Variants in EXTL3 observed in about 807,000 individuals in gnomAD.
The protein encoded by EXTL3 is exostosin like glycosyltransferase 3.
In EXTL3, 27 loss-of-function variants were observed where a neutral mutation model predicts 69.3. That is an observed-to-expected ratio of 0.39 (90% CI 0.29 to 0.54). The LOEUF is 0.54. Ranked by LOEUF, EXTL3 falls within the 20% of genes least tolerant of loss-of-function variation. EXTL3 has a pLI of 0.69. For synonymous variants in EXTL3, 511 were observed against 499.4 expected (o/e 1.02, Z -0.31); for missense variants, 1,003 against 1,231.8 (o/e 0.81, Z 2.78).
intron 1 of EXTL3, among the ~76,000 whole-genome samples, chr8:28,635,387 T>G (rs1367380794): frequency 9.6e-6 from 1 of 104,082 alleles, no homozygotes; most frequent in Non-Finnish European, 1.8e-5. Context: ...GCAAGACTGG[T>G]CTCTTAAAAA....
At chr8:28,609,902 A>C (rs1363068996) in intron 2 of EXTL3, among the ~76,000 whole-genome samples, 1 of 66,770 alleles carries the variant, frequency 1.5e-5, no homozygotes, top group Non-Finnish European at 2.3e-5. Context: ...AAAAATAATT[A>C]AAAAAAAAAA....
chr8:28,650,516 C>A (rs764509660), intron 1 of EXTL3, among the ~76,000 whole-genome samples: 16 of 151,904 alleles, frequency 1.1e-4, no homozygotes, highest in Non-Finnish European at 2.1e-4. Context: ...CGCCACCATA[C>A]CTGGCTAATT....
intron 1 of EXTL3, among the ~76,000 whole-genome samples, chr8:28,636,264 G>A (rs532988329): frequency 8.6e-5 from 13 of 151,334 alleles, no homozygotes; most frequent in East Asian, 1.9e-4. Context: ...CCCAGGAGGC[G>A]GAGGTTGCAG....
At position 28,648,028 on chromosome 8, in the gene EXTL3, A is replaced by G. The variant is rs1585230369; in HGVS notation, c.-53+25218A>G. 2.6e-5 allele frequency among the ~76,000 whole-genome samples: 4 copies of G among 152,044 alleles called. No homozygotes were observed. The South Asian group carries it at 8.3e-4, about 32-fold the overall frequency. ...TGGTCATGCTACCTGGCTAGGGTGA[A>G]GAAATCCAAGAGTTGACGCCTCCTG... On this transcript the variant is annotated intron_variant, in intron 1 of 6. Coordinates refer to the EXTL3 transcript ENST00000523149.
intron 2 of EXTL3, among the ~76,000 whole-genome samples, chr8:28,609,090 T>A (rs911739118): frequency 6.6e-6 from 1 of 151,972 alleles, no homozygotes; most frequent in Admixed American, 6.6e-5. Flanking sequence ...GAGTCACAGG[T>A]CATGCAAAGG....
intron 4 of EXTL3, among the ~76,000 whole-genome samples, chr8:28,733,324 A>G (rs1801578118): frequency 6.6e-6 from 1 of 151,854 alleles, no homozygotes; most frequent in Non-Finnish European, 1.5e-5. Flanking sequence ...TCCATTTTCA[A>G]AATTTATAGC....
At chr8:28,635,909 T>C (rs962055813) in intron 1 of EXTL3, among the ~76,000 whole-genome samples, 1 of 152,168 alleles carries the variant, frequency 6.6e-6, no homozygotes, top group African/African-American at 2.4e-5. Context: ...TTAATAGAGA[T>C]GGGGTTTGCC....
chr8:28,643,749 A>G (rs183581272), intron 1 of EXTL3, among the ~76,000 whole-genome samples: 17 of 152,058 alleles, frequency 1.1e-4, no homozygotes, highest in Non-Finnish European at 1.9e-4. Flanking sequence ...ATGCATTTGT[A>G]TTTCTTAACA....
rs768769383 is a variant in EXTL3 at position 28,717,255 on chromosome 8, C to T, written c.1196C>T (p.Thr399Ile). Residue 399 changes from threonine (T) to isoleucine (I), a missense_variant, in exon 3 of 7, where the codon ACC becomes ATC. Transcript: ENST00000220562. The surrounding 1 kb of genome is among the most constrained non-coding windows in gnomAD (Gnocchi z 8.3). ...SKLDQVLVEF[T>I]CKNQPKPSLP... is the part of the protein sequence containing the mutation. The stretch of plus-strand genomic sequence containing the variant: ...CTGGATCAGGTCCTGGTGGAATTCA[C>T]CTGCAAAAACCAGCCCAAACCCAGC... 1.5e-5 allele frequency: 25 copies of T among 1,614,108 alleles called. No individual in the cohort carries two copies. Among genetic ancestry groups the T allele is most frequent in the Middle Eastern group, 3.3e-4 (2 of 6,084 alleles).
chr8:28,743,365 G>C, intron 6 of EXTL3, 151 bp downstream of exon 6: 1 of 965,162 alleles, frequency 1.0e-6, no homozygotes, highest in South Asian at 1.3e-5. Context: ...TTGTCTGTGA[G>C]CTTAAATGAG....
chr8:28,703,340 G>C (rs188581798), intron 1 of EXTL3, among the ~76,000 whole-genome samples: 2 of 152,140 alleles, frequency 1.3e-5, no homozygotes, highest in Admixed American at 1.3e-4. Flanking sequence ...TGTGTAGTTG[G>C]GATCTTTCAG....
chr8:28,674,684 T>C (rs1807351055), intron 1 of EXTL3, among the ~76,000 whole-genome samples: 1 of 152,198 alleles, frequency 6.6e-6, no homozygotes, highest in African/African-American at 2.4e-5. Context: ...TGGGAAAGAA[T>C]GGGATCTTGC....
chr8:28,689,330 G>T (rs1800574180), intron 1 of EXTL3, among the ~76,000 whole-genome samples: 1 of 152,074 alleles, frequency 6.6e-6, no homozygotes, highest in Non-Finnish European at 1.5e-5. Flanking sequence ...CCCTATCACT[G>T]GGAACTCTCT....
chr8:28,682,747 G>A (rs895868574), intron 1 of EXTL3, among the ~76,000 whole-genome samples: 2 of 152,044 alleles, frequency 1.3e-5, no homozygotes, highest in Admixed American at 6.6e-5. Context: ...CCCAGGCTGC[G>A]GCAGCTTTTT....
At chr8:28,629,191 G>GT (rs1170350534) in intron 1 of EXTL3, among the ~76,000 whole-genome samples, 1 of 115,680 alleles carries the variant, frequency 8.6e-6, no homozygotes, top group Non-Finnish European at 1.6e-5. Context: ...AAGACAACCA[G>GT]TGCCTGGTAC....
chr8:28,741,871 T>G (rs1266901407), intron 5 of EXTL3: 1 of 152,234 alleles, frequency 6.6e-6, no homozygotes, highest in East Asian at 1.9e-4. Context: ...CAAAAAAATT[T>G]TATCATTATT....
chr8:28,687,358 T>C (rs997550817), intron 1 of EXTL3, among the ~76,000 whole-genome samples: 3 of 151,856 alleles, frequency 2.0e-5, no homozygotes, highest in African/African-American at 7.3e-5. Context: ...CCCAGCTACT[T>C]GGGAGGCTGA....
upstream of EXTL3, among the ~76,000 whole-genome samples, chr8:28,619,845 C>CT (rs56276866): frequency 1.6e-4 from 8 of 50,852 alleles, 1 homozygote; most frequent in East Asian, 7.0e-4. Flanking sequence ...GCTTCTGGTT[C>CT]TTTTTTTTTT....
intron 3 of EXTL3, among the ~76,000 whole-genome samples, chr8:28,723,688 C>A: frequency 7.0e-6 from 1 of 143,294 alleles, no homozygotes; most frequent in African/African-American, 2.7e-5. Flanking sequence ...GTTGCCCAGG[C>A]TGGAGCACAG....
Sources: allele counts gnomAD v4.1 joint callset (sites outside exome capture counted in the v4.1 genomes callset), GRCh38; gene constraint gnomAD v4.1.1; non-coding constraint Gnocchi (gnomAD v3.1); transcripts MANE v1.5; gene names NCBI Gene and HGNC (gene_info 2026-07-23, HGNC 2026-07-21).